Variants in PTPRD observed in about 807,000 individuals in gnomAD.
The protein encoded by PTPRD is receptor-type tyrosine-protein phosphatase delta.
In PTPRD, 34 loss-of-function variants were observed where a neutral mutation model predicts 214.5. The ratio of observed to expected loss-of-function variants is 0.16; its 90% confidence interval spans 0.12 to 0.21. The LOEUF is 0.21. PTPRD is among the 10% of genes least tolerant of loss of function. The pLI, the probability that PTPRD is intolerant of heterozygous loss-of-function variation, is 1.00. For missense variants in PTPRD, 2,545 were observed against 2,398.7 expected (o/e 1.06, Z -1.27); for synonymous variants, 1,128 against 845.7 (o/e 1.33, Z -5.79).
intron 10 of PTPRD, among the ~76,000 whole-genome samples, chr9:9,048,569 G>C (rs112172555): frequency 6.6e-6 from 1 of 152,086 alleles, no homozygotes; most frequent in Non-Finnish European, 1.5e-5. Context: ...GACTAACATC[G>C]TATGTTCTCA....
At position 9,788,251 on chromosome 9, in the gene PTPRD, G is replaced by A. The variant is rs116141548; in HGVS notation, c.-367-21400C>T. On this transcript the variant is annotated intron_variant, in intron 5 of 45. Coordinates refer to ENST00000381196, the MANE Select transcript of PTPRD (RefSeq NM_002839.4). ...TTCACAAAAGGATGCCATGAAAAAA[G>A]ATATAAAAATAGCTCTCTGGCCGGG... Among the ~76,000 whole-genome samples the A allele has an allele frequency of 4.9e-3, 750 of 151,540 alleles. 10 individuals are homozygous for A. The highest frequency in any genetic ancestry group is 0.017 in the African/African-American group (701 of 41,304).
At chr9:8,850,389 G>C (rs149108157) in intron 11 of PTPRD, among the ~76,000 whole-genome samples, 1 of 152,242 alleles carries the variant, frequency 6.6e-6, no homozygotes, top group African/African-American at 2.4e-5. Context: ...TGGAGACATA[G>C]ATGCCAAACA....
chr9:9,976,713 T>A (rs3955136), intron 4 of PTPRD, among the ~76,000 whole-genome samples: 57 of 121,932 alleles, frequency 4.7e-4, no homozygotes, highest in African/African-American at 8.3e-4. Context: ...AAAAAAAAAA[T>A]TTACTTTTTT....
intron 2 of PTPRD, among the ~76,000 whole-genome samples, chr9:10,538,360 T>C (rs1024816755): frequency 2.4e-4 from 36 of 152,032 alleles, no homozygotes; most frequent in African/African-American, 8.0e-4. Flanking sequence ...CTGTTCTCAA[T>C]GACTTTGTTC....
intron 10 of PTPRD, among the ~76,000 whole-genome samples, chr9:9,026,077 G>T (rs941025302): frequency 1.3e-5 from 2 of 151,918 alleles, no homozygotes; most frequent in African/African-American, 4.8e-5. Context: ...ACAGGGTATT[G>T]TGGTAGTGAA....
intron 38 of PTPRD, 134 bp from the exon 39 acceptor site, chr9:8,376,224 C>A (rs1283085552): frequency 9.5e-7 from 1 of 1,053,788 alleles, no homozygotes; most frequent in Non-Finnish European, 1.3e-6. Context: ...TGGGAAGACA[C>A]ACTCTTTGGA....
chr9:10,363,991 G>GTTTTTTTTTTTTTTTTTTTTT (rs71270610), intron 2 of PTPRD, among the ~76,000 whole-genome samples: 1 of 35,132 alleles, frequency 2.8e-5, no homozygotes, highest in Non-Finnish European at 5.5e-5. Flanking sequence ...ACATTTTCGG[G>GTTTTTTTTTTTTTTTTTTTTT]TTTTTTTTTT....
intron 10 of PTPRD, among the ~76,000 whole-genome samples, chr9:9,153,758 C>T (rs752257436): frequency 3.9e-5 from 6 of 152,104 alleles, no homozygotes; most frequent in Non-Finnish European, 8.8e-5. Context: ...GAAAAATCAA[C>T]ATTCATCTAC....
At chr9:9,858,990 C>A (rs2062103909) in intron 5 of PTPRD, among the ~76,000 whole-genome samples, 1 of 152,084 alleles carries the variant, frequency 6.6e-6, no homozygotes, top group Non-Finnish European at 1.5e-5. Context: ...GAATAGGAAT[C>A]CCCACCTGTC....
chr9:8,967,142 AAAC>A (rs1485930135), intron 11 of PTPRD, among the ~76,000 whole-genome samples: 1 of 151,956 alleles, frequency 6.6e-6, no homozygotes, highest in Non-Finnish European at 1.5e-5. Flanking sequence ...TAAAAAAAAA[AAAC>A]AATAGATGTT....
chr9:9,056,121 C>T (rs76301709), intron 10 of PTPRD, among the ~76,000 whole-genome samples: 2 of 152,112 alleles, frequency 1.3e-5, no homozygotes, highest in African/African-American at 4.8e-5. Context: ...TAGTTGTTTT[C>T]TAGACTTCTA....
chr9:10,332,680 G>C (rs2096773155), intron 3 of PTPRD, among the ~76,000 whole-genome samples: 1 of 151,600 alleles, frequency 6.6e-6, no homozygotes, highest in Admixed American at 6.6e-5. Context: ...TTATGAATGA[G>C]AAAACCGAGA....
chr9:9,881,998 A>C (rs1345730880), intron 5 of PTPRD, among the ~76,000 whole-genome samples: 2 of 151,946 alleles, frequency 1.3e-5, no homozygotes, highest in Non-Finnish European at 2.9e-5. Context: ...CTCAATTTCC[A>C]CCATGGATTG....
chr9:9,052,607 T>C (rs990827178), intron 10 of PTPRD, among the ~76,000 whole-genome samples: 2 of 152,138 alleles, frequency 1.3e-5, no homozygotes, highest in African/African-American at 2.4e-5. Flanking sequence ...AAGAGAAAAT[T>C]ATAAGGCCTG....
intron 11 of PTPRD, among the ~76,000 whole-genome samples, chr9:8,997,542 TC>T (rs2099401737): frequency 6.6e-6 from 1 of 152,050 alleles, no homozygotes; most frequent in Admixed American, 6.6e-5. Flanking sequence ...TTCTGAATGC[TC>T]CACCAACCGG....
At chr9:9,966,286 C>T (rs940872946) in intron 4 of PTPRD, among the ~76,000 whole-genome samples, 2 of 152,166 alleles carry the variant, frequency 1.3e-5, no homozygotes, top group Non-Finnish European at 2.9e-5. Flanking sequence ...CACCTAAGTT[C>T]ATATCATCAG....
chr9:10,185,692 T>C (rs2099327193), intron 3 of PTPRD, among the ~76,000 whole-genome samples: 1 of 152,178 alleles, frequency 6.6e-6, no homozygotes, highest in Non-Finnish European at 1.5e-5. Flanking sequence ...TATATCTGTA[T>C]TGCAGATTAT....
intron 2 of PTPRD, among the ~76,000 whole-genome samples, chr9:10,443,195 C>T (rs767587969): frequency 1.3e-5 from 2 of 151,278 alleles, no homozygotes; most frequent in South Asian, 4.1e-4. Flanking sequence ...ATAAAATGTT[C>T]ACATTGAGAC....
intron 11 of PTPRD, chr9:8,936,179 G>A (rs1214785355): frequency 1.3e-5 from 2 of 152,164 alleles, no homozygotes; most frequent in African/African-American, 2.4e-5. Context: ...GGGTGACTGA[G>A]GTAAGTGGAT....
Sources: gnomAD v4.1 joint callset for allele counts (sites outside exome capture counted in the v4.1 genomes callset) on GRCh38, gnomAD v4.1.1 for gene constraint, MANE v1.5 for transcripts, NCBI Gene and HGNC (gene_info 2026-07-23, HGNC 2026-07-21) for gene names.